NCALD: variants seen among roughly 807,000 people sequenced by gnomAD.
NCALD encodes neurocalcin-delta.
A neutral mutation model predicts 18.6 loss-of-function variants in NCALD; 10 were observed. The ratio of observed to expected loss-of-function variants is 0.54; its 90% confidence interval spans 0.33 to 0.91. NCALD has a LOEUF of 0.91. Among genes scored for constraint, NCALD ranks in the 40% least tolerant of loss-of-function variants. The pLI is 0.03. For missense variants in NCALD, 184 were observed against 247.6 expected, an observed-to-expected ratio of 0.74 and a Z score of 1.72; for synonymous variants, 88 against 87.4, an observed-to-expected ratio of 1.01 and a Z score of -0.04.
At position 102,104,129 on chromosome 8, in the gene NCALD, C is replaced by T. The variant is rs1043104652; in HGVS notation, c.-210+20108G>A. 3.3e-5 allele frequency among the ~76,000 whole-genome samples: 5 copies of T among 152,192 alleles called. No individual in the cohort carries two copies. In the East Asian group the frequency reaches 5.8e-4, roughly 18 times the overall value. On this transcript the variant is annotated intron_variant, in intron 1 of 6. Transcript: ENST00000311028. The stretch of plus-strand genomic sequence containing the variant: ...AAGACTTGCTGGTTTAACCTCCACA[C>T]GACTTCAAGTCCCTGATTATATACT...
chr8:101,733,959 G>C (rs1816960027), intron 1 of NCALD, among the ~76,000 whole-genome samples: 1 of 152,212 alleles, frequency 6.6e-6, no homozygotes, highest in African/African-American at 2.4e-5. Context: ...CTGGGGCTGA[G>C]GAGGCTGTGG....
At chr8:101,729,940 A>G (rs1447509301) in intron 1 of NCALD, among the ~76,000 whole-genome samples, 1 of 152,208 alleles carries the variant, frequency 6.6e-6, no homozygotes, top group Non-Finnish European at 1.5e-5. Context: ...AAATATGGAA[A>G]TACCATTTTT....
chr8:101,904,796 C>T (rs1011072243), intron 3 of NCALD, among the ~76,000 whole-genome samples: 3 of 152,192 alleles, frequency 2.0e-5, no homozygotes, highest in Admixed American at 6.5e-5. Context: ...GGTTGCCAAA[C>T]GCAATGGCTT....
At chr8:101,902,722 A>G (rs1033470618) in intron 3 of NCALD, among the ~76,000 whole-genome samples, 4 of 152,106 alleles carry the variant, frequency 2.6e-5, no homozygotes, top group Admixed American at 2.6e-4. Context: ...GACTGATGCC[A>G]TGGCTTTTTT....
intron 3 of NCALD, among the ~76,000 whole-genome samples, chr8:101,908,352 G>T (rs1306218385): frequency 6.6e-6 from 1 of 151,958 alleles, no homozygotes; most frequent in Non-Finnish European, 1.5e-5. Flanking sequence ...GTGTTGTTTG[G>T]TTTTTTTCTC....
rs558606760 is a variant in NCALD at position 101,695,490 on chromosome 8, G to A, written c.379-2594C>T. 1.2e-4 allele frequency among the ~76,000 whole-genome samples: 19 copies of A among 152,152 alleles called. No homozygotes were observed. In the South Asian group the frequency reaches 3.5e-3, roughly 28 times the overall value. ...TGTCAAGAGTCTGACAACATGATAC[G>A]CTCCTTGGTGTCCTGGACCAGCAGC... On this transcript the variant is annotated intron_variant, in intron 2 of 3. Transcript: ENST00000220931.
At chr8:101,855,003 G>A (rs897617071) in intron 4 of NCALD, among the ~76,000 whole-genome samples, 1 of 152,254 alleles carries the variant, frequency 6.6e-6, no homozygotes, top group Admixed American at 6.5e-5. Context: ...TTAGAAGTGA[G>A]CACAGTGCTT....
At chr8:101,707,210 C>A (rs1815570165) in intron 2 of NCALD, among the ~76,000 whole-genome samples, 1 of 152,134 alleles carries the variant, frequency 6.6e-6, no homozygotes, top group Non-Finnish European at 1.5e-5. Flanking sequence ...CTATTTAGAA[C>A]AGTCTTTGGG....
chr8:101,836,932 T>G (rs1236899401), intron 4 of NCALD, among the ~76,000 whole-genome samples: 1 of 152,216 alleles, frequency 6.6e-6, no homozygotes, highest in African/African-American at 2.4e-5. Context: ...AAATAAGTAT[T>G]AGTTAAGTTG....
intron 3 of NCALD, among the ~76,000 whole-genome samples, chr8:101,905,642 C>A (rs751325960): frequency 6.6e-6 from 1 of 152,294 alleles, no homozygotes; most frequent in South Asian, 2.1e-4. Flanking sequence ...ACTCAATTAA[C>A]ATCCTAATTA....
intron 1 of NCALD, among the ~76,000 whole-genome samples, chr8:102,109,316 C>A (rs1333282650): frequency 7.3e-5 from 11 of 150,444 alleles, no homozygotes; most frequent in African/African-American, 2.4e-4. Flanking sequence ...TTTTTTTAAG[C>A]CTAATTCTAT....
intron 2 of NCALD, chr8:101,693,303 C>T (rs2129981798): frequency 6.6e-6 from 1 of 151,672 alleles, no homozygotes; most frequent in South Asian, 2.0e-4. Context: ...AGAGGTACTC[C>T]CCACCACACA....
At chr8:101,992,849 A>G (rs1171746895) in intron 2 of NCALD, among the ~76,000 whole-genome samples, 5 of 151,772 alleles carry the variant, frequency 3.3e-5, no homozygotes, top group Admixed American at 1.3e-4. Flanking sequence ...AGCTCTTACT[A>G]TGTGCTGAGC....
intron 1 of NCALD, among the ~76,000 whole-genome samples, chr8:102,070,689 A>G (rs1824153895): frequency 1.3e-5 from 2 of 152,240 alleles, no homozygotes; most frequent in South Asian, 4.1e-4. Context: ...TAAAAAAGAA[A>G]TAACTACTGC....
rs185468170 is a variant in NCALD at position 101,763,234 on chromosome 8, A to G, written c.-20+27628T>C. ...CAGGAATACCGGTGGCAGCAATTCA[A>G]ATATGGTGTTCTGGAACAGGGCTCC... is the stretch of plus-strand genomic sequence containing the variant. On this transcript the variant is annotated intron_variant, in intron 1 of 3. Transcript: ENST00000220931. 3.9e-5 allele frequency among the ~76,000 whole-genome samples: 6 copies of G among 152,328 alleles called. 1 individual carries two copies. The highest frequency in any genetic ancestry group is 3.9e-4 in the Admixed American group (6 of 15,306).
intron 2 of NCALD, among the ~76,000 whole-genome samples, chr8:101,984,287 A>C (rs1820725597): frequency 6.6e-6 from 1 of 152,260 alleles, no homozygotes; most frequent in African/African-American, 2.4e-5. Context: ...CCTGCTTTCA[A>C]GACTAATTGT....
intron 2 of NCALD, among the ~76,000 whole-genome samples, chr8:101,939,388 A>G (rs774428878): frequency 6.0e-4 from 91 of 152,336 alleles, no homozygotes; most frequent in Admixed American, 1.1e-3. Context: ...CACCTTTGTA[A>G]ATCACACAGA....
chr8:101,955,941 A>T (rs545788472), intron 2 of NCALD, among the ~76,000 whole-genome samples: 13 of 152,312 alleles, frequency 8.5e-5, no homozygotes, highest in African/African-American at 2.9e-4. Flanking sequence ...GGGATGTGGT[A>T]TCTTCAAGTT....
At chr8:101,845,984 C>A (rs1185619595) in intron 4 of NCALD, among the ~76,000 whole-genome samples, 1 of 152,176 alleles carries the variant, frequency 6.6e-6, no homozygotes, top group African/African-American at 2.4e-5. Flanking sequence ...TGTTCTGCAT[C>A]CATGTTGCTG....
Sources: allele counts gnomAD v4.1 joint callset (sites outside exome capture counted in the v4.1 genomes callset), GRCh38; gene constraint gnomAD v4.1.1; transcripts MANE v1.5; gene names NCBI Gene and HGNC (gene_info 2026-07-23, HGNC 2026-07-21).